Variants in PHF5A observed in about 807,000 individuals in gnomAD.
The protein encoded by PHF5A is PHD finger protein 5A.
For synonymous variants in PHF5A, 52 were observed against 46.0 expected, an observed-to-expected ratio of 1.13 and a Z score of -0.52; for missense variants, 24 against 140.6, an observed-to-expected ratio of 0.17 and a Z score of 4.19.
At chr22:41,462,925 G>C (rs367563354) in intron 3 of PHF5A, among the ~76,000 whole-genome samples, 1 of 150,964 alleles carries the variant, frequency 6.6e-6, no homozygotes, top group East Asian at 1.9e-4. Flanking sequence ...TCAGGCTGGA[G>C]TGCAGTGGCG....
chr22:41,465,020 A>G (rs1601866379), intron 3 of PHF5A, among the ~76,000 whole-genome samples: 1 of 152,232 alleles, frequency 6.6e-6, no homozygotes, highest in Admixed American at 6.5e-5. Context: ...TAGCTAGTAG[A>G]CTAGATTTGG....
At chr22:41,466,796 A>T (rs1161948068) in intron 3 of PHF5A, among the ~76,000 whole-genome samples, 1 of 152,032 alleles carries the variant, frequency 6.6e-6, no homozygotes, top group Non-Finnish European at 1.5e-5. Context: ...TTCGAGACCA[A>T]CCTAGGTAAC....
chr22:41,463,630 C>T (rs1308850465), intron 3 of PHF5A, among the ~76,000 whole-genome samples: 3 of 143,688 alleles, frequency 2.1e-5, no homozygotes, highest in Non-Finnish European at 3.0e-5. Flanking sequence ...GGGGCTGAGA[C>T]GGAAGAATTG....
chr22:41,468,222 TG>T, intron 1 of PHF5A, 75 bp from the exon 2 acceptor site: 2 of 1,472,204 alleles, frequency 1.4e-6, no homozygotes, highest in South Asian at 2.3e-5. Flanking sequence ...ATCCTCGAGC[TG>T]GGGGTAGGGA....
chr22:41,460,528 G>T, intron 3 of PHF5A, 41 bp from the exon 4 acceptor site: 1 of 1,494,674 alleles, frequency 6.7e-7, no homozygotes, highest in Non-Finnish European at 9.2e-7. Context: ...CTTTGAGCCT[G>T]AACCAAGAGT....
At chr22:41,464,330 G>C (rs534964773) in intron 3 of PHF5A, among the ~76,000 whole-genome samples, 10 of 152,278 alleles carry the variant, frequency 6.6e-5, no homozygotes, top group South Asian at 6.2e-4. Context: ...AAAGTTGCAG[G>C]AAGACAATAA....
At chr22:41,466,336 C>T (rs930376474) in intron 3 of PHF5A, among the ~76,000 whole-genome samples, 11 of 152,140 alleles carry the variant, frequency 7.2e-5, no homozygotes, top group Non-Finnish European at 1.6e-4. Context: ...GTAGCCACTG[C>T]CACTACACAG....
At chr22:41,463,471 AAT>A (rs1473987226) in intron 3 of PHF5A, among the ~76,000 whole-genome samples, 1 of 151,834 alleles carries the variant, frequency 6.6e-6, no homozygotes, top group Non-Finnish European at 1.5e-5. Flanking sequence ...CCATGACTGT[AAT>A]CCCAGCAACT....
intron 3 of PHF5A, among the ~76,000 whole-genome samples, chr22:41,467,203 G>C (rs544207964): frequency 6.6e-6 from 1 of 152,136 alleles, no homozygotes; most frequent in East Asian, 1.9e-4. Flanking sequence ...ACAGAGACAT[G>C]AATGAGAGGG....
At chr22:41,463,216 A>C (rs891370243) in intron 3 of PHF5A, among the ~76,000 whole-genome samples, 1 of 151,840 alleles carries the variant, frequency 6.6e-6, no homozygotes, top group Non-Finnish European at 1.5e-5. Context: ...GCCCAGCCCC[A>C]AAATTTAATT....
intron 3 of PHF5A, among the ~76,000 whole-genome samples, chr22:41,462,488 G>T (rs539122771): frequency 9.9e-5 from 15 of 152,270 alleles, no homozygotes; most frequent in African/African-American, 3.6e-4. Context: ...GGTGTACCAA[G>T]GAAGCCGCCT....
chr22:41,467,896 G>A, intron 2 of PHF5A: 1 of 611,434 alleles, frequency 1.6e-6, no homozygotes, highest in Admixed American at 2.9e-5. Context: ...GTGTTGGGGA[G>A]GGGTCATGCT....
intron 3 of PHF5A, among the ~76,000 whole-genome samples, chr22:41,463,724 CAA>C (rs11387908): frequency 5.1e-5 from 3 of 59,064 alleles, no homozygotes; most frequent in Admixed American, 2.3e-4. Context: ...GACTCTGTCT[CAA>C]AAAAAAAAAA....
Position 41,467,430 on chromosome 22 carries a change from G to A in PHF5A, c.243+18C>T, listed in dbSNP as rs1367113007. 3.1e-6 allele frequency: 5 copies of A among 1,612,366 alleles called. No homozygotes were observed. Among genetic ancestry groups the A allele is most frequent in the Middle Eastern group, 1.8e-4 (1 of 5,434 alleles). On this transcript the variant is annotated intron_variant, in intron 3 of 3. Coordinates refer to ENST00000216252, the MANE Select transcript of PHF5A (RefSeq NM_032758.4). ...TAAACAAAAGGAGGAAAGGTCAGATGGAAAGCTGTACACTTACGTCCTTCT... is the reference window on the plus strand; with the variant it reads ...TAAACAAAAGGAGGAAAGGTCAGATAGAAAGCTGTACACTTACGTCCTTCT...
At chr22:41,460,901 G>A (rs1334985037) in intron 3 of PHF5A, among the ~76,000 whole-genome samples, 6 of 152,050 alleles carry the variant, frequency 3.9e-5, no homozygotes, top group South Asian at 2.1e-4. Context: ...GGCCGGGCAC[G>A]GTGGCTCATG....
At chr22:41,465,813 G>C (rs1217670589) in intron 3 of PHF5A, among the ~76,000 whole-genome samples, 1 of 152,138 alleles carries the variant, frequency 6.6e-6, no homozygotes, top group African/African-American at 2.4e-5. Context: ...CCAGGAGGCG[G>C]AGGCTGTGGT....
chr22:41,462,127 G>T (rs1321999690), intron 3 of PHF5A, among the ~76,000 whole-genome samples: 1 of 152,168 alleles, frequency 6.6e-6, no homozygotes, highest in Non-Finnish European at 1.5e-5. Context: ...GCCATTTGAT[G>T]AGCTTGAGTG....
intron 3 of PHF5A, 123 bp downstream of exon 3, chr22:41,467,325 G>A (rs1223137235): frequency 1.0e-6 from 1 of 982,066 alleles, no homozygotes; most frequent in East Asian, 2.7e-5. Flanking sequence ...AGAACTTGAA[G>A]AAATTATAAC....
Position 41,459,918 on chromosome 22 carries a change from C to CCA in PHF5A, c.*479_*480insTG, listed in dbSNP as rs1491265943. On this transcript the variant is annotated 3_prime_UTR_variant, in exon 4 of 4. Coordinates refer to ENST00000216252, the MANE Select transcript of PHF5A (RefSeq NM_032758.4). Reference sequence around the variant, plus strand: ...GAGCCCTGCCCCCCCACCCCCCCCCCAAAAAAAACGGGAAATGCCTACATT... The same window carrying CCA: ...GAGCCCTGCCCCCCCACCCCCCCCCCCAAAAAAAAACGGGAAATGCCTACATT... 1 of 112,304 alleles carries CCA rather than the reference C, an allele frequency of 8.9e-6. No individual in the cohort carries two copies. The highest frequency in any genetic ancestry group is 3.6e-5 in the African/African-American group (1 of 28,060). The allele number at this position is 112,304 out of a possible 1,614,324, so 7.0% of individuals were successfully genotyped here. A position where few individuals can be genotyped will look rare whatever the true frequency, so the allele number is the denominator to read the frequency against.
Sources: allele counts gnomAD v4.1 joint callset (sites outside exome capture counted in the v4.1 genomes callset), GRCh38; gene constraint gnomAD v4.1.1; transcripts MANE v1.5; gene names NCBI Gene and HGNC (gene_info 2026-07-23, HGNC 2026-07-21).